The following STIM1 variants were observed in gnomAD, a reference collection of about 807,000 sequenced individuals.
The protein encoded by STIM1 is stromal interaction molecule 1.
STIM1 carries 25 observed loss-of-function variants against 74.7 expected under a neutral mutation model. The observed-to-expected ratio is 0.33, with a 90% confidence interval of 0.24 to 0.47. The LOEUF is 0.47. STIM1 is among the 20% of genes least tolerant of loss of function. The probability of loss-of-function intolerance (pLI) is 1.00; values close to 1 mark genes in which losing one functional copy is unlikely to be tolerated. For synonymous variants in STIM1, 328 were observed against 348.8 expected (o/e 0.94, Z 0.66); for missense variants, 728 against 920.8 (o/e 0.79, Z 2.71).
At chr11:4,020,924 A>G (rs1056912945) in intron 2 of STIM1, among the ~76,000 whole-genome samples, 3 of 151,962 alleles carry the variant, frequency 2.0e-5, no homozygotes, top group Non-Finnish European at 4.4e-5. Context: ...CTTTTGAGAA[A>G]TGTCTAGTTA....
chr11:3,941,669 T>TAGAGAGAGAGAG (rs1233313065), intron 1 of STIM1, among the ~76,000 whole-genome samples: 28 of 86,394 alleles, frequency 3.2e-4, no homozygotes, highest in Middle Eastern at 5.5e-3. Context: ...TATATATATA[T>TAGAGAGAGAGAG]ATATAGAGAG....
Position 4,092,077 on chromosome 11 carries a change from C to A in STIM1, c.*279C>A. ...GTGCATGTCTTAGTTGCTGTTCCCT[C>A]AGCTCCCAGCTCCACCTCTGGGGTT... On this transcript the variant is annotated 3_prime_UTR_variant, in exon 13 of 13. Transcript: ENST00000526596. The A allele has an allele frequency of 2.0e-6, 1 of 497,968 alleles. No homozygotes were observed. 30.8% of individuals were successfully genotyped at this position (497,968 alleles called of 1,614,324 possible).
At chr11:4,015,822 G>A (rs912539089) in intron 2 of STIM1, among the ~76,000 whole-genome samples, 9 of 151,038 alleles carry the variant, frequency 6.0e-5, no homozygotes, top group East Asian at 3.9e-4. Context: ...CTTTTTTTCC[G>A]CTTGATCAAA....
chr11:3,855,081 C>A (rs1046167544), upstream of STIM1: 1 of 152,260 alleles, frequency 6.6e-6, no homozygotes, highest in Non-Finnish European at 1.5e-5. Flanking sequence ...CGACGAAGCG[C>A]GCGGGTTCCC....
chr11:4,009,324 A>T (rs1178294356), intron 2 of STIM1, among the ~76,000 whole-genome samples: 5 of 127,616 alleles, frequency 3.9e-5, no homozygotes, highest in Non-Finnish European at 8.4e-5. Context: ...TTTTAAAATT[A>T]ATTTGTGGCC....
chr11:3,874,052 A>G (rs2091229758), intron 1 of STIM1, among the ~76,000 whole-genome samples: 1 of 152,220 alleles, frequency 6.6e-6, no homozygotes, highest in Non-Finnish European at 1.5e-5. Flanking sequence ...AAGTTGGCAC[A>G]GAGCTATTTT....
chr11:3,900,472 G>C (rs1390361365), intron 1 of STIM1, among the ~76,000 whole-genome samples: 8 of 152,240 alleles, frequency 5.3e-5, no homozygotes, highest in Non-Finnish European at 4.4e-5. Flanking sequence ...GCACTCCCCA[G>C]TGAGATGAAC....
chr11:4,002,330 G>C (rs909069904), intron 2 of STIM1, among the ~76,000 whole-genome samples: 260 of 152,222 alleles, frequency 1.7e-3, no homozygotes, highest in Admixed American at 3.5e-3. Context: ...TGACCACATA[G>C]TTGGAAGTAA....
At chr11:3,952,955 G>C (rs1038667196) in intron 1 of STIM1, among the ~76,000 whole-genome samples, 2 of 152,164 alleles carry the variant, frequency 1.3e-5, no homozygotes, top group Non-Finnish European at 2.9e-5. Flanking sequence ...TGAGGTCAAG[G>C]CCTGCTTGGT....
At chr11:4,066,530 C>T (rs1318333485) in intron 5 of STIM1, among the ~76,000 whole-genome samples, 3 of 152,098 alleles carry the variant, frequency 2.0e-5, no homozygotes, top group Non-Finnish European at 4.4e-5. Context: ...AACTCACAGA[C>T]TACCAGATGG....
intron 2 of STIM1, among the ~76,000 whole-genome samples, chr11:4,017,827 C>A (rs2093912937): frequency 6.6e-6 from 1 of 152,204 alleles, no homozygotes. Flanking sequence ...TTGTTTCAAA[C>A]CACCATTAGC....
At chr11:3,912,370 A>C (rs1049234156) in intron 1 of STIM1, among the ~76,000 whole-genome samples, 8 of 150,826 alleles carry the variant, frequency 5.3e-5, no homozygotes, top group African/African-American at 2.0e-4. Flanking sequence ...TTTGGGAATA[A>C]ATTTTTTTTT....
chr11:4,018,645 CAAA>C (rs576391881), intron 2 of STIM1, among the ~76,000 whole-genome samples: 7 of 55,286 alleles, frequency 1.3e-4, no homozygotes, highest in Non-Finnish European at 2.0e-4. Context: ...AACTCTGTCT[CAAA>C]AAAAAAAAAA....
At chr11:4,066,267 C>T (rs2094364532) in intron 5 of STIM1, among the ~76,000 whole-genome samples, 1 of 152,152 alleles carries the variant, frequency 6.6e-6, no homozygotes, top group African/African-American at 2.4e-5. Context: ...TTACTGAGTG[C>T]AAGGTAGATT....
intron 5 of STIM1, among the ~76,000 whole-genome samples, chr11:4,068,699 G>A (rs1052506148): frequency 6.6e-6 from 1 of 152,248 alleles, no homozygotes; most frequent in African/African-American, 2.4e-5. Flanking sequence ...CCCTGACCTA[G>A]TGACCCCCCT....
At position 3,895,705 on chromosome 11, in the gene STIM1, T is replaced by C. The variant is rs1241771957; in HGVS notation, c.139+39296T>C. Among the ~76,000 whole-genome samples, 56 of 37,274 alleles carry C rather than the reference T, an allele frequency of 1.5e-3. 3 individuals carry two copies. The highest frequency in any genetic ancestry group is 2.2e-3 in the Non-Finnish European group (47 of 21,800). 24.5% of individuals were successfully genotyped at this position (37,274 alleles called of 152,430 possible). A position where few individuals can be genotyped will look rare whatever the true frequency, so the allele number is the denominator to read the frequency against. On this transcript the variant is annotated intron_variant, in intron 1 of 12. Transcript: ENST00000526596. ...TTCCTTCTTTCTTTCTTTCTTTCTT[T>C]CTTTCTTTCTTTCTTTCTTTCTTTC...
intron 1 of STIM1, among the ~76,000 whole-genome samples, chr11:3,918,281 C>A (rs1462985510): frequency 6.6e-6 from 1 of 152,096 alleles, no homozygotes; most frequent in Non-Finnish European, 1.5e-5. Context: ...TTTTGGGAGG[C>A]CAAGGCAGGT....
At position 3,856,126 on chromosome 11, in the gene STIM1, G is replaced by A. The variant is rs1381678753; in HGVS notation, c.-145G>A. 9.5e-7 allele frequency: 1 copy of A among 1,057,186 alleles called. No individual in the cohort carries two copies. Among genetic ancestry groups the A allele is most frequent in the Admixed American group, 1.9e-5 (1 of 53,164 alleles). 65.5% of individuals were successfully genotyped at this position (1,057,186 alleles called of 1,614,324 possible). ...GCACTTGACCTTTGGCTGTTGGAGGGGGCAGGCTCGCGGGTGGCTGGACAG... is the reference window on the plus strand; with the variant it reads ...GCACTTGACCTTTGGCTGTTGGAGGAGGCAGGCTCGCGGGTGGCTGGACAG... On this transcript the variant is annotated 5_prime_UTR_variant, in exon 1 of 13. Transcript: ENST00000526596.
intron 1 of STIM1, among the ~76,000 whole-genome samples, chr11:3,957,204 A>T (rs1457003873): frequency 6.6e-6 from 1 of 152,194 alleles, no homozygotes; most frequent in Non-Finnish European, 1.5e-5. Flanking sequence ...TCAGAAGTAT[A>T]TCTCATTGCA....
Sources: gnomAD v4.1 joint callset for allele counts (sites outside exome capture counted in the v4.1 genomes callset) on GRCh38, gnomAD v4.1.1 for gene constraint, MANE v1.5 for transcripts, NCBI Gene and HGNC (gene_info 2026-07-23, HGNC 2026-07-21) for gene names.